Variants in TUBB8B observed in about 807,000 individuals in gnomAD.
The protein encoded by TUBB8B is HSA18p11 beta-tubulin 4Q pseudogene.
TUBB8B carries 26 observed loss-of-function variants against 31.9 expected under a neutral mutation model. That is an observed-to-expected ratio of 0.81 (90% CI 0.60 to 1.13). The LOEUF (loss-of-function observed/expected upper bound fraction) is 1.13, where lower values mean the gene tolerates loss of function less well. TUBB8B is among the 50% of genes most tolerant of loss of function. TUBB8B has a pLI of 0.00. For missense variants in TUBB8B, 467 were observed against 586.7 expected (o/e 0.80, Z 2.11); for synonymous variants, 173 against 231.0 (o/e 0.75, Z 2.28).
chr18:66,775 T>C, the TUBB8B span, among the ~76,000 whole-genome samples: 4 of 152,150 alleles, frequency 2.6e-5, no homozygotes, highest in South Asian at 6.2e-4. Context: ...TTCATATAAA[T>C]GACAGGATCA....
chr18:53,529 C>T (rs1319845459), upstream of TUBB8B, among the ~76,000 whole-genome samples: 2 of 151,776 alleles, frequency 1.3e-5, no homozygotes, highest in Admixed American at 6.6e-5. Flanking sequence ...GAGTGTGGGG[C>T]ACCATCTTGG....
upstream of TUBB8B, among the ~76,000 whole-genome samples, chr18:54,111 C>T (rs202217749): frequency 4.3e-4 from 66 of 151,884 alleles, 1 homozygote; most frequent in East Asian, 0.011. Context: ...AAATTAATTT[C>T]TAAGCCCCTA....
chr18:61,222 C>T, the TUBB8B span, among the ~76,000 whole-genome samples: 1 of 151,502 alleles, frequency 6.6e-6, no homozygotes, highest in Non-Finnish European at 1.5e-5. Context: ...TATCTTCCTA[C>T]AGTCTTTTGT....
chr18:68,275 A>G, the TUBB8B span, among the ~76,000 whole-genome samples: 4 of 152,200 alleles, frequency 2.6e-5, no homozygotes, highest in Admixed American at 1.3e-4. Flanking sequence ...GCAACTCCAC[A>G]CAAAACACTC....
chr18:68,724 A>G, the TUBB8B span, among the ~76,000 whole-genome samples: 1 of 151,808 alleles, frequency 6.6e-6, no homozygotes, highest in East Asian at 1.9e-4. Context: ...TTTACAATGG[A>G]TTCCCACTGG....
At chr18:56,847 C>T in the TUBB8B span, among the ~76,000 whole-genome samples, 1 of 151,888 alleles carries the variant, frequency 6.6e-6, no homozygotes, top group Non-Finnish European at 1.5e-5. Flanking sequence ...TGCTTCTGGT[C>T]AAGCCTCTGA....
chr18:49,963 T>G (rs1305415870), upstream of TUBB8B: 1 of 432,366 alleles, frequency 2.3e-6, no homozygotes, highest in Admixed American at 2.5e-5. Context: ...GTAATGGAGA[T>G]TCATTTCATC....
At chr18:52,039 C>A (rs976887779), upstream of TUBB8B, among the ~76,000 whole-genome samples, 8 of 151,708 alleles carry the variant, frequency 5.3e-5, no homozygotes, top group South Asian at 1.0e-3. Flanking sequence ...GCAATAAGGC[C>A]TCACACTTTC....
chr18:60,435 A>G, the TUBB8B span, among the ~76,000 whole-genome samples: 1 of 151,278 alleles, frequency 6.6e-6, no homozygotes, highest in African/African-American at 2.4e-5. Context: ...TGTTTCATTG[A>G]TCTTTTGCAC....
At chr18:57,691 G>C in the TUBB8B span, among the ~76,000 whole-genome samples, 1 of 151,926 alleles carries the variant, frequency 6.6e-6, no homozygotes, top group Non-Finnish European at 1.5e-5. Context: ...CCATGCCCCA[G>C]TGGGGAACCC....
upstream of TUBB8B, chr18:50,341 G>T (rs1390449751): frequency 6.0e-6 from 1 of 167,398 alleles, no homozygotes; most frequent in Non-Finnish European, 1.3e-5. Flanking sequence ...TCTAACCAGT[G>T]AAGGTATCAG....
At chr18:69,253 G>A in the TUBB8B span, among the ~76,000 whole-genome samples, 175 of 151,946 alleles carry the variant, frequency 1.2e-3, no homozygotes, top group Admixed American at 2.1e-3. Context: ...AGCACTTTGC[G>A]GGGGTCTGAG....
rs756513228 is a variant in TUBB8B, at chr18:48,941, G to A, written c.276C>T (p.Ser92=). The A allele has an allele frequency of 3.3e-5, 52 of 1,583,862 alleles. 1 individual carries two copies. The highest frequency in any genetic ancestry group is 2.8e-4 in the Admixed American group (17 of 59,868). ...CCCCAGTCCTCGCCCGCAGCTCACC[G>A]GAAATGAAGTTGTCTGGCCTGAAGA... The part of the protein sequence containing the change: ...GQVFRPDNFI[S]GQCGAGNNWA... The change falls in exon 3 of 4, where the codon TCC becomes TCT. Residue 92 remains serine, a splice_region_variant and synonymous_variant. Coordinates refer to ENST00000308911, the MANE Select transcript of TUBB8B (RefSeq NM_001358689.2).
chr18:58,480 C>T, the TUBB8B span, among the ~76,000 whole-genome samples: 1 of 151,618 alleles, frequency 6.6e-6, no homozygotes, highest in Admixed American at 6.6e-5. Context: ...AGAAATTCAG[C>T]CAACCACTTT....
chr18:55,420 A>T, the TUBB8B span, among the ~76,000 whole-genome samples: 1 of 151,776 alleles, frequency 6.6e-6, no homozygotes, highest in African/African-American at 2.4e-5. Context: ...TTTATAAAGG[A>T]AATAGGTTTA....
At chr18:72,588 A>G in the TUBB8B span, among the ~76,000 whole-genome samples, 1 of 152,202 alleles carries the variant, frequency 6.6e-6, no homozygotes, top group South Asian at 2.1e-4. Flanking sequence ...CCAGGGCTTG[A>G]GTGCAGTGGC....
At chr18:53,492 CAG>C (rs1483078523), upstream of TUBB8B, among the ~76,000 whole-genome samples, 3 of 151,796 alleles carry the variant, frequency 2.0e-5, no homozygotes, top group East Asian at 1.9e-4. Flanking sequence ...CGTTTTGAGA[CAG>C]AGTCTTGCTC....
rs1351445879 is a variant in TUBB8B at position 49,171 on chromosome 18, G to A, written c.124C>T (p.Leu42=). ...TGCACGTTGATGCGCTCCAGCTGCAGGTGGCTGTCCCCGTGGTAGGTGCCA... is the reference window on the plus strand; with the variant it reads ...TGCACGTTGATGCGCTCCAGCTGCAAGTGGCTGTCCCCGTGGTAGGTGCCA... ...SAGTYHGDSH[L]QLERINVHHH... Residue 42 remains leucine (L), a synonymous_variant, in exon 2 of 4, where the codon CTG becomes TTG. Transcript: ENST00000308911. The A allele has an allele frequency of 5.8e-6, 9 of 1,543,532 alleles. No homozygotes were observed. The African/African-American group carries it at 1.1e-4, about 19-fold the overall frequency.
Position 49,008 on chromosome 18 carries a change from G to A in TUBB8B, c.209C>T (p.Pro70Leu), listed in dbSNP as rs755544151. The change falls in exon 3 of 4, where the codon CCG becomes CTG. Residue 70 changes from proline (P) to leucine (L), a missense_variant. Physicochemically the swap from Pro to Leu is moderately conservative, Grantham distance 98. This residue lies in a region of TUBB8B where 259 missense variants were observed against 380.1 expected (regional missense o/e 0.68). Transcript: ENST00000308911. ...CGAGTGCACAGAGTCCATGGTGCCCGGCTCCAGATCCACGAGCACAGCGCG... is the reference window on the plus strand; with the variant it reads ...CGAGTGCACAGAGTCCATGGTGCCCAGCTCCAGATCCACGAGCACAGCGCG... ...VPRAVLVDLE[P>L]GTMDSVHSGP... 2.1e-5 allele frequency: 34 copies of A among 1,609,502 alleles called. 1 individual carries two copies. The highest frequency in any genetic ancestry group is 1.8e-4 in the East Asian group (8 of 44,784).
Sources: gnomAD v4.1 joint callset for allele counts (sites outside exome capture counted in the v4.1 genomes callset) on GRCh38, gnomAD v4.1.1 for gene constraint, gnomAD v4.1.1 regional missense constraint, MANE v1.5 for transcripts, NCBI Gene and HGNC (gene_info 2026-07-23, HGNC 2026-07-21) for gene names.